HCFC1: variants seen among roughly 807,000 people sequenced by gnomAD.
The protein encoded by HCFC1 is host cell factor C1, also known as host cell factor 1.
Under a neutral mutation model 105.5 loss-of-function variants are expected in HCFC1, and 7 were observed. That is an observed-to-expected ratio of 0.07 (90% CI 0.04 to 0.12). The LOEUF (loss-of-function observed/expected upper bound fraction) is 0.12, where lower values mean the gene tolerates loss of function less well. Among genes scored for constraint, HCFC1 ranks in the 10% least tolerant of loss-of-function variants. The probability of loss-of-function intolerance (pLI) is 1.00; values close to 1 mark genes in which losing one functional copy is unlikely to be tolerated. For missense variants in HCFC1, 1,065 were observed against 1,823.6 expected (o/e 0.58, Z 7.58); for synonymous variants, 918 against 828.1 (o/e 1.11, Z -1.86).
intron 1 of HCFC1, chrX:153,969,325 C>T (rs1364867077): frequency 2.7e-5 from 3 of 111,174 alleles, no homozygotes; most frequent in Non-Finnish European, 5.7e-5. Context: ...CCACCGAGGC[C>T]AGGGGATCGC....
intron 1 of HCFC1, among the ~76,000 whole-genome samples, chrX:153,966,986 A>G (rs1291318197): frequency 8.9e-6 from 1 of 112,119 alleles, no homozygotes; most frequent in African/African-American, 3.2e-5. Flanking sequence ...TACAGGACCC[A>G]AGAGGTGCTG....
At chrX:153,965,952 C>T (rs781792817) in intron 1 of HCFC1, among the ~76,000 whole-genome samples, 5 of 112,214 alleles carry the variant, frequency 4.5e-5, no homozygotes, top group East Asian at 2.8e-4. Flanking sequence ...CACACTGTCA[C>T]CCCCAGGGCT....
intron 1 of HCFC1, among the ~76,000 whole-genome samples, chrX:153,965,114 A>G (rs782003157): frequency 3.6e-5 from 4 of 110,856 alleles, no homozygotes; most frequent in Non-Finnish European, 5.7e-5. Context: ...TTGTCCCTTC[A>G]TCACAGGGTC....
chrX:153,957,188 A>G, intron 13 of HCFC1, 126 bp downstream of exon 13: 1 of 971,309 alleles, frequency 1.0e-6, no homozygotes, highest in Non-Finnish European at 1.4e-6. Flanking sequence ...CCTTAGACAC[A>G]AAAGGCAGCA....
rs2065309711 is a variant in HCFC1, at chrX:153,951,399, A to G, written c.5468T>C (p.Val1823Ala). ...TGGCAGGAAATAGTGTGTCACCATT[A>G]CATTGGTGCCCTTAATGACTCCCAC... Reference protein sequence around the residue: ...FDVGVIKGTNVMVTHYFLPPD... With the variant: ...FDVGVIKGTNAMVTHYFLPPD... The change falls in exon 22 of 26, where the codon GTA becomes GCA. Residue 1823 changes from valine to alanine, a missense_variant. Coordinates refer to ENST00000310441, the MANE Select transcript of HCFC1 (RefSeq NM_005334.3). 3 of 1,209,293 alleles carry G rather than the reference A, an allele frequency of 2.5e-6. No homozygotes were observed. Among genetic ancestry groups the G allele is most frequent in the Non-Finnish European group, 3.4e-6 (3 of 893,370 alleles).
intron 16 of HCFC1, 42 bp from the exon 17 acceptor site, chrX:153,955,584 C>CT (rs1813757914): frequency 2.7e-6 from 3 of 1,124,795 alleles, no homozygotes. Context: ...CTGCAGCTGG[C>CT]TGTCTGCCTG....
intron 18 of HCFC1, 62 bp from the exon 19 acceptor site, chrX:153,953,020 G>GTTATT: frequency 2.0e-6 from 2 of 988,854 alleles, no homozygotes; most frequent in Non-Finnish European, 2.8e-6. Context: ...TATGGTCACT[G>GTTATT]TTATTTTGGC....
intron 16 of HCFC1, 126 bp downstream of exon 16, chrX:153,956,065 C>T (rs1272724397): frequency 3.4e-5 from 21 of 609,586 alleles, no homozygotes; most frequent in Non-Finnish European, 4.9e-5. Context: ...GAAAGGCCTG[C>T]CATGGCTGCA....
chrX:153,957,718 G>C lies in HCFC1; in HGVS notation c.2133+64C>G, dbSNP rs1017893394. ...GGATCTTCCATGGGCAGGGACATGA[G>C]TTCTTCCTGTGGCCTGGCACCCAGG... On this transcript the variant is annotated intron_variant, in intron 12 of 25. Coordinates refer to ENST00000310441, the MANE Select transcript of HCFC1 (RefSeq NM_005334.3). 15 of 906,556 alleles carry C rather than the reference G, an allele frequency of 1.7e-5. No individual in the cohort carries two copies. In the African/African-American group the frequency reaches 3.0e-4, roughly 18 times the overall value. 74.7% of individuals were successfully genotyped at this position (906,556 alleles called of 1,213,427 possible). A position where few individuals can be genotyped will look rare whatever the true frequency, so the allele number is the denominator to read the frequency against.
chrX:153,963,984 C>T (rs1557117690), intron 3 of HCFC1, 140 bp downstream of exon 3: 2 of 474,271 alleles, frequency 4.2e-6, no homozygotes, highest in Non-Finnish European at 6.6e-6. Context: ...TCCGGTGCCG[C>T]TCTCTCATTT....
chrX:153,956,753 T>G lies in HCFC1; in HGVS notation c.2507A>C (p.Lys836Thr). 1 of 1,210,588 alleles carries G rather than the reference T, an allele frequency of 8.3e-7. No homozygotes were observed. Among genetic ancestry groups the G allele is most frequent in the Non-Finnish European group, 1.1e-6 (1 of 895,425 alleles). ...GGTGCCTGGCTGTCCCGGGGCCCCC[T>G]TAAGCACCACCTGGAACACCAGAGG... ...GQQGVTQVVL[K>T]GAPGQPGTIL... is the part of the protein sequence containing the mutation. Residue 836 changes from lysine to threonine, a missense_variant, in exon 15 of 26, where the codon AAG (lysine) becomes ACG (threonine). Lys to Thr is a moderately conservative substitution (Grantham distance 78). Coordinates refer to ENST00000310441, the MANE Select transcript of HCFC1 (RefSeq NM_005334.3).
intron 24 of HCFC1, among the ~76,000 whole-genome samples, chrX:153,950,034 T>C (rs1165749916): frequency 2.7e-5 from 3 of 111,363 alleles, no homozygotes; most frequent in Admixed American, 9.4e-5. Flanking sequence ...CCCTCAAACA[T>C]CCTGGGGTGG....
rs1557117446 is a variant in HCFC1, at chrX:153,963,206, G to C, written c.712+19C>G. On this transcript the variant is annotated intron_variant, in intron 4 of 25. Transcript: ENST00000310441. ...CCCGCTTTGTCCCATGGCTGCTGGGGTGCTACCACCCTGCTCACCAATATC... is the reference window on the plus strand; with the variant it reads ...CCCGCTTTGTCCCATGGCTGCTGGGCTGCTACCACCCTGCTCACCAATATC... The C allele has an allele frequency of 8.5e-7, 1 of 1,176,877 alleles. No individual in the cohort carries two copies. The highest frequency in any genetic ancestry group is 1.7e-5 in the African/African-American group (1 of 57,156).
chrX:153,966,318 C>A (rs1318034085), intron 1 of HCFC1, among the ~76,000 whole-genome samples: 1 of 112,966 alleles, frequency 8.9e-6, no homozygotes, highest in African/African-American at 3.2e-5. Context: ...AGCACCCACT[C>A]TGCGGGTAGG....
intron 9 of HCFC1, among the ~76,000 whole-genome samples, chrX:153,959,110 A>G (rs1460621437): frequency 8.8e-6 from 1 of 113,073 alleles, no homozygotes; most frequent in African/African-American, 3.2e-5. Flanking sequence ...CACGTGGCAA[A>G]TGCTCTTAGG....
intron 3 of HCFC1, among the ~76,000 whole-genome samples, 170 bp downstream of exon 3, chrX:153,963,954 C>T (rs781836875): frequency 4.5e-5 from 5 of 111,724 alleles, no homozygotes; most frequent in Non-Finnish European, 9.4e-5. Flanking sequence ...TTTTGGAGCC[C>T]GAAAGCTCCT....
chrX:153,958,803 G>A (rs1194696795), intron 9 of HCFC1, 37 bp from the exon 10 acceptor site: 2 of 1,058,779 alleles, frequency 1.9e-6, no homozygotes, highest in East Asian at 3.3e-5. Context: ...CAGGTCACAG[G>A]TGCCACCCAC....
At chrX:153,951,226 C>T in intron 22 of HCFC1, 124 bp downstream of exon 22, 1 of 832,690 alleles carries the variant, frequency 1.2e-6, no homozygotes, top group Non-Finnish European at 1.8e-6. Context: ...TCTCTGCCCA[C>T]CTTCCTCAGG....
chrX:153,963,098 G>C (rs2065444526), intron 4 of HCFC1, 127 bp downstream of exon 4: 11 of 527,024 alleles, frequency 2.1e-5, no homozygotes, highest in Non-Finnish European at 3.3e-6. Flanking sequence ...CAAGAGGAAA[G>C]CACGAAGTGG....
Sources: allele counts gnomAD v4.1 joint callset (sites outside exome capture counted in the v4.1 genomes callset), GRCh38; gene constraint gnomAD v4.1.1; transcripts MANE v1.5; gene names NCBI Gene and HGNC (gene_info 2026-07-23, HGNC 2026-07-21).